Variants in OR6K6 observed in about 807,000 individuals in gnomAD.
OR6K6 encodes the protein olfactory receptor 6K6.
Under a neutral mutation model 8.1 loss-of-function variants are expected in OR6K6, and 9 were observed. The ratio of observed to expected loss-of-function variants is 1.11; its 90% CI spans 0.67 to 1.94. The LOEUF (loss-of-function observed/expected upper bound fraction) is 1.94, where lower values mean the gene tolerates loss of function less well. OR6K6 is among the 30% of genes most tolerant of loss of function. The pLI is 0.00. For synonymous variants in OR6K6, 156 were observed against 140.3 expected, an observed-to-expected ratio of 1.11 and a Z score of -0.79; for missense variants, 400 against 383.1, an observed-to-expected ratio of 1.04 and a Z score of -0.37.
exon 1 of OR6K6, chr1:158,755,733 T>C (rs1212401351): frequency 1.2e-6 from 2 of 1,614,066 alleles, no homozygotes; most frequent in African/African-American, 2.7e-5. Context: ...TCACTTTTGT[T>C]ATCCTTGCTC....
chr1:158,755,109 G>A (rs1397695749), exon 1 of OR6K6: 2 of 1,614,094 alleles, frequency 1.2e-6, no homozygotes, highest in East Asian at 2.2e-5. Flanking sequence ...CCTTCCTGGA[G>A]ATCTGCTATA....
exon 1 of OR6K6, chr1:158,754,936 C>T: frequency 1.9e-6 from 3 of 1,614,094 alleles, no homozygotes; most frequent in Non-Finnish European, 2.5e-6. Context: ...GACTGAGTTC[C>T]TCTTCTCTAT....
At chr1:158,755,736 C>T (rs767138484) in exon 1 of OR6K6, 3 of 1,614,098 alleles carry the variant, frequency 1.9e-6, no homozygotes, top group Non-Finnish European at 2.5e-6. Flanking sequence ...CTTTTGTTAT[C>T]CTTGCTCCCT....
At position 158,755,646 on chromosome 1, in the gene OR6K6, A is replaced by AT; in HGVS notation, c.765dup (p.Gly256TrpfsTer39). 6.2e-7 allele frequency: 1 copy of AT among 1,614,070 alleles called. No homozygotes were observed. Among genetic ancestry groups the AT allele is most frequent in the Non-Finnish European group, 8.5e-7 (1 of 1,180,008 alleles). On this transcript the variant is annotated frameshift_variant, in exon 1 of 1. Coordinates refer to ENST00000641861, the Ensembl canonical transcript of OR6K6. LOFTEE classifies it high-confidence loss of function. ...CTGCTCACCTTGCTGTGTTCTTGCT[A>AT]TTTTTTGGCAGTGTGGCTGTCATGT...
chr1:158,755,741 C>T (rs752396103), exon 1 of OR6K6: 16 of 1,614,074 alleles, frequency 9.9e-6, no homozygotes, highest in Non-Finnish European at 1.4e-5. Context: ...GTTATCCTTG[C>T]TCCCTTTTTC....
exon 1 of OR6K6, chr1:158,755,566 G>A (rs1656972443): frequency 6.2e-7 from 1 of 1,614,078 alleles, no homozygotes. Flanking sequence ...GATTATTATA[G>A]TGATTCTGGG....
Position 158,755,692 on chromosome 1 carries a change from T to C in OR6K6, c.805T>C (p.Tyr269His), listed in dbSNP as rs776900055. 3.1e-6 allele frequency: 5 copies of C among 1,614,236 alleles called. No individual in the cohort carries two copies. The Admixed American group carries it at 8.3e-5, about 27-fold the overall frequency. ...CATGTATTTGAGATTCTCAGCCACCTACTCAGTGTTTTGGGACACAGCAAT... is the reference window on the plus strand; with the variant it reads ...CATGTATTTGAGATTCTCAGCCACCCACTCAGTGTTTTGGGACACAGCAAT... The change falls in exon 1 of 1, where the codon TAC becomes CAC. Residue 269 changes from tyrosine (Y) to histidine (H), a missense_variant. By Grantham distance (83) the Tyr-to-His change is moderately conservative. Transcript: ENST00000641861.
At chr1:158,755,504 A>T in exon 1 of OR6K6, 1 of 1,614,194 alleles carries the variant, frequency 6.2e-7, no homozygotes, top group East Asian at 2.2e-5. Context: ...GATGCCATCC[A>T]TGCAGCGGAA....
rs72700594 is a variant in OR6K6, at chr1:158,755,865, T to A, written c.*18T>A. 3,388 of 1,550,374 alleles carry A rather than the reference T, an allele frequency of 2.2e-3. 4 individuals carry two copies. The highest frequency in any genetic ancestry group is 2.6e-3 in the Non-Finnish European group (3,022 of 1,152,472). ...GGAAATAGATACAGATCCTGGAGACTCTAAAAAGCCTCTTGGAAGAGCAAA... is the reference window on the plus strand; with the variant it reads ...GGAAATAGATACAGATCCTGGAGACACTAAAAAGCCTCTTGGAAGAGCAAA... On this transcript the variant is annotated 3_prime_UTR_variant, in exon 1 of 1. Coordinates refer to ENST00000641861, the Ensembl canonical transcript of OR6K6.
At chr1:158,755,359 C>T (rs201334240) in exon 1 of OR6K6, 1 of 1,614,202 alleles carries the variant, frequency 6.2e-7, no homozygotes, top group Non-Finnish European at 8.5e-7. Context: ...TTGTGGCTTC[C>T]TCCTTGTGCT....
At chr1:158,755,209 T>C in exon 1 of OR6K6, 1 of 1,614,104 alleles carries the variant, frequency 6.2e-7, no homozygotes, top group East Asian at 2.2e-5. Context: ...GATGTACTTT[T>C]TCCACTCACT....
At position 158,755,585 on chromosome 1, in the gene OR6K6, C is replaced by T. The variant is rs761000591; in HGVS notation, c.698C>T (p.Ser233Leu). 3.7e-6 allele frequency: 6 copies of T among 1,614,178 alleles called. No homozygotes were observed. In the South Asian group the frequency reaches 4.4e-5, roughly 12 times the overall value. The change falls in exon 1 of 1, where the codon TCA becomes TTA. Residue 233 changes from serine to leucine, a missense_variant. Coordinates refer to ENST00000641861, the Ensembl canonical transcript of OR6K6. Reference sequence around the variant, plus strand: ...ATTATAGTGATTCTGGGAATGCACTCAGCTGAAGGTCATCACAAGGCCTTT... The same window carrying T: ...ATTATAGTGATTCTGGGAATGCACTTAGCTGAAGGTCATCACAAGGCCTTT...
At position 158,755,065 on chromosome 1, in the gene OR6K6, C is replaced by A. The variant is rs775362301; in HGVS notation, c.178C>A (p.His60Asn). Residue 60 changes from histidine (H) to asparagine (N), a missense_variant, in exon 1 of 1, where the codon CAC becomes AAC. Physicochemically the swap from His to Asn is moderately conservative, Grantham distance 68. Transcript: ENST00000641861. The stretch of plus-strand genomic sequence containing the variant: ...TGTCATCCAGGTGGGCATGGCCCTG[C>A]ACACCCCTTTGTATTTCTTTATCAG... 8 of 1,614,136 alleles carry A rather than the reference C, an allele frequency of 5.0e-6. No homozygotes were observed. Among genetic ancestry groups the A allele is most frequent in the Non-Finnish European group, 5.9e-6 (7 of 1,180,002 alleles).
Position 158,755,700 on chromosome 1 carries a change from G to A in OR6K6, c.813G>A (p.Val271=), listed in dbSNP as rs78251441. 3.1e-3 allele frequency: 4,943 copies of A among 1,614,150 alleles called. 132 individuals are homozygous for A. The African/African-American group carries it at 0.056, about 18-fold the overall frequency. ...TGAGATTCTCAGCCACCTACTCAGTGTTTTGGGACACAGCAATTGCTGTCA... is the reference window on the plus strand; with the variant it reads ...TGAGATTCTCAGCCACCTACTCAGTATTTTGGGACACAGCAATTGCTGTCA... The change falls in exon 1 of 1, where the codon GTG becomes GTA. Residue 271 remains valine (V), a synonymous_variant. Transcript: ENST00000641861.
chr1:158,755,289 C>G (rs1288265170), exon 1 of OR6K6: 1 of 1,614,124 alleles, frequency 6.2e-7, no homozygotes, highest in Non-Finnish European at 8.5e-7. Context: ...GCAATCCACT[C>G]CGTTACCCAA....
exon 1 of OR6K6, chr1:158,755,828 C>T (rs763807694): frequency 6.2e-7 from 1 of 1,602,324 alleles, no homozygotes; most frequent in African/African-American, 1.3e-5. Flanking sequence ...CAGAAGAGGG[C>T]TGGTTGGGCT....
At chr1:158,755,805 G>T in exon 1 of OR6K6, 1 of 1,612,698 alleles carries the variant, frequency 6.2e-7, no homozygotes, top group Non-Finnish European at 8.5e-7. Context: ...CTATTGGAAG[G>T]CTTTTCCACT....
exon 1 of OR6K6, chr1:158,755,796 T>C: frequency 6.2e-7 from 1 of 1,613,540 alleles, no homozygotes; most frequent in Non-Finnish European, 8.5e-7. Flanking sequence ...TGAAAGAGGC[T>C]ATTGGAAGGC....
At chr1:158,755,707 G>A (rs773219315) in exon 1 of OR6K6, 17 of 1,614,014 alleles carry the variant, frequency 1.1e-5, no homozygotes, top group South Asian at 5.5e-5. Flanking sequence ...AGTGTTTTGG[G>A]ACACAGCAAT....
Sources: allele counts gnomAD v4.1 joint callset, GRCh38; gene constraint gnomAD v4.1.1; transcripts MANE v1.5; gene names NCBI Gene and HGNC (gene_info 2026-07-23, HGNC 2026-07-21).